The following FSTL4 variants were observed in gnomAD, a reference collection of about 807,000 sequenced individuals.
FSTL4 encodes follistatin-related protein 4.
In FSTL4, 28 loss-of-function variants were observed where a neutral mutation model predicts 78.2. The ratio of observed to expected loss-of-function variants is 0.36; its 90% CI spans 0.27 to 0.49. FSTL4 has a LOEUF of 0.49. Ranked by LOEUF, FSTL4 falls within the 20% of genes least tolerant of loss-of-function variation. The pLI, the probability that FSTL4 is intolerant of heterozygous loss-of-function variation, is 0.98. For missense variants in FSTL4, 922 were observed against 1,084.9 expected (o/e 0.85, Z 2.11); for synonymous variants, 422 against 440.5 (o/e 0.96, Z 0.53).
At chr5:133,488,348 G>C (rs1445795178) in intron 3 of FSTL4, among the ~76,000 whole-genome samples, 1 of 152,170 alleles carries the variant, frequency 6.6e-6, no homozygotes, top group African/African-American at 2.4e-5. Flanking sequence ...TCTGCCTGCT[G>C]GGTTCAAGCG....
At chr5:133,538,013 C>T (rs954673908) in intron 3 of FSTL4, among the ~76,000 whole-genome samples, 4 of 152,098 alleles carry the variant, frequency 2.6e-5, no homozygotes, top group South Asian at 2.1e-4. Context: ...GTCAACACAG[C>T]CTCCTACAGT....
At chr5:133,390,680 G>A (rs1755826420) in intron 4 of FSTL4, among the ~76,000 whole-genome samples, 1 of 152,258 alleles carries the variant, frequency 6.6e-6, no homozygotes, top group Non-Finnish European at 1.5e-5. Context: ...CAATGAGCCT[G>A]CTCTGCTGGG....
chr5:133,502,481 C>T (rs1201784426), intron 3 of FSTL4, among the ~76,000 whole-genome samples: 1 of 152,122 alleles, frequency 6.6e-6, no homozygotes, highest in African/African-American at 2.4e-5. Flanking sequence ...CACGAAATCT[C>T]CTGTGGAATT....
chr5:133,748,203 GAAGA>G, the FSTL4 span, among the ~76,000 whole-genome samples: 5 of 137,224 alleles, frequency 3.6e-5, no homozygotes, highest in Admixed American at 1.6e-4. Context: ...AAAAAAAGAA[GAAGA>G]AAAAAAAAAA....
chr5:133,733,869 C>A, the FSTL4 span, among the ~76,000 whole-genome samples: 1 of 152,214 alleles, frequency 6.6e-6, no homozygotes, highest in South Asian at 2.1e-4. Flanking sequence ...GGCTTGGATG[C>A]TCTTCCACGT....
At chr5:133,704,566 T>C in the FSTL4 span, among the ~76,000 whole-genome samples, 1 of 152,218 alleles carries the variant, frequency 6.6e-6, no homozygotes, top group Non-Finnish European at 1.5e-5. Context: ...GCCATTGTTC[T>C]TACAAGGTAA....
chr5:133,543,701 T>C (rs1759520379), intron 3 of FSTL4, among the ~76,000 whole-genome samples: 1 of 152,130 alleles, frequency 6.6e-6, no homozygotes, highest in South Asian at 2.1e-4. Flanking sequence ...GTTTGTCAAA[T>C]AGCTGGGCCT....
intron 4 of FSTL4, among the ~76,000 whole-genome samples, chr5:133,377,304 T>C (rs1418411922): frequency 6.6e-6 from 1 of 150,646 alleles, no homozygotes; most frequent in Non-Finnish European, 1.5e-5. Flanking sequence ...AGAAGTGAAC[T>C]GAGAGACCAG....
chr5:133,768,504 T>C, the FSTL4 span, among the ~76,000 whole-genome samples: 1 of 152,242 alleles, frequency 6.6e-6, no homozygotes, highest in South Asian at 2.1e-4. Context: ...TAGCCTGAGG[T>C]GGAATAGCAA....
chr5:133,343,471 A>G (rs1561680082), intron 4 of FSTL4, among the ~76,000 whole-genome samples: 1 of 152,238 alleles, frequency 6.6e-6, no homozygotes, highest in Admixed American at 6.5e-5. Context: ...AATACAGAGG[A>G]CTTTTCAAAA....
At chr5:133,474,907 T>C (rs1757898113) in intron 3 of FSTL4, among the ~76,000 whole-genome samples, 3 of 152,212 alleles carry the variant, frequency 2.0e-5, no homozygotes, top group South Asian at 4.1e-4. Flanking sequence ...CCAACACCCA[T>C]GGGGGAACTC....
chr5:133,304,843 T>G (rs1240610309), intron 6 of FSTL4, among the ~76,000 whole-genome samples: 1 of 152,144 alleles, frequency 6.6e-6, no homozygotes, highest in African/African-American at 2.4e-5. Flanking sequence ...GGGACAGAGA[T>G]TGTTCCACCC....
rs1757136922 is a variant in FSTL4, at chr5:133,440,662, A to G, written c.161-39676T>C. Among the ~76,000 whole-genome samples the G allele has an allele frequency of 6.6e-6, 1 of 152,168 alleles. No homozygotes were observed. Among genetic ancestry groups the G allele is most frequent in the South Asian group, 2.1e-4 (1 of 4,836 alleles). The stretch of plus-strand genomic sequence containing the variant: ...TGGCCTGAGTCATTCCACTGGCAGA[A>G]CACAACCTCTGAGAGGCCTGGGAAT... On this transcript the variant is annotated intron_variant, in intron 3 of 15. Coordinates refer to ENST00000265342, the MANE Select transcript of FSTL4 (RefSeq NM_015082.2). The surrounding 1 kb of genome is among the most constrained non-coding windows in gnomAD (Gnocchi z 4.1).
chr5:133,483,990 C>T (rs912118111), intron 3 of FSTL4, among the ~76,000 whole-genome samples: 2 of 152,216 alleles, frequency 1.3e-5, no homozygotes, highest in Non-Finnish European at 2.9e-5. Flanking sequence ...CTCTCCCTAC[C>T]CCCACCTCAA....
At chr5:133,549,545 C>T (rs1172870384) in intron 3 of FSTL4, among the ~76,000 whole-genome samples, 1 of 152,120 alleles carries the variant, frequency 6.6e-6, no homozygotes, top group Non-Finnish European at 1.5e-5. Flanking sequence ...TTCATAGTTC[C>T]TTTCTGCTGG....
intron 4 of FSTL4, among the ~76,000 whole-genome samples, chr5:133,353,213 A>G (rs1460726597): frequency 6.6e-6 from 1 of 152,172 alleles, no homozygotes; most frequent in East Asian, 1.9e-4. Flanking sequence ...CCCTTCAATA[A>G]AGACAGATAG....
chr5:133,425,902 C>G (rs1756803196), intron 3 of FSTL4, among the ~76,000 whole-genome samples: 1 of 152,252 alleles, frequency 6.6e-6, no homozygotes, highest in East Asian at 1.9e-4. Context: ...AAAGGGAGAA[C>G]AGGGACATAG....
chr5:133,461,203 T>C (rs1434690554), intron 3 of FSTL4, among the ~76,000 whole-genome samples: 1 of 152,198 alleles, frequency 6.6e-6, no homozygotes, highest in African/African-American at 2.4e-5. Flanking sequence ...GTGGCTCTGA[T>C]ATTAAAATTG....
At chr5:133,290,439 A>G (rs1173813328) in intron 6 of FSTL4, among the ~76,000 whole-genome samples, 1 of 152,222 alleles carries the variant, frequency 6.6e-6, no homozygotes, top group Admixed American at 6.5e-5. Context: ...GATAAGGCAA[A>G]GCTTCCAGCC....
Sources: allele counts gnomAD v4.1 joint callset (sites outside exome capture counted in the v4.1 genomes callset), GRCh38; gene constraint gnomAD v4.1.1; non-coding constraint Gnocchi (gnomAD v3.1); transcripts MANE v1.5; gene names NCBI Gene and HGNC (gene_info 2026-07-23, HGNC 2026-07-21).